The following THSD7B variants were observed in gnomAD, a reference collection of about 807,000 sequenced individuals.
THSD7B encodes thrombospondin type 1 domain containing 7B, also known as thrombospondin type-1 domain-containing protein 7B.
THSD7B carries 138 observed loss-of-function variants against 213.6 expected under a neutral mutation model. The observed-to-expected ratio is 0.65, with a 90% CI of 0.56 to 0.74. The LOEUF (loss-of-function observed/expected upper bound fraction) is 0.74, where lower values mean the gene tolerates loss of function less well. THSD7B is among the 30% of genes least tolerant of loss of function. The pLI is 0.00. For synonymous variants in THSD7B, 742 were observed against 687.0 expected (o/e 1.08, Z -1.25); for missense variants, 1,931 against 1,991.5 (o/e 0.97, Z 0.58).
chr2:137,525,816 G>T (rs138023119), intron 15 of THSD7B, among the ~76,000 whole-genome samples: 1 of 152,208 alleles, frequency 6.6e-6, no homozygotes, highest in East Asian at 1.9e-4. Flanking sequence ...ATAGGTAAGT[G>T]GCTATGTAAC....
At chr2:137,351,943 C>A (rs1685021607) in intron 12 of THSD7B, among the ~76,000 whole-genome samples, 1 of 151,906 alleles carries the variant, frequency 6.6e-6, no homozygotes, top group Non-Finnish European at 1.5e-5. Flanking sequence ...TTTCTTGAAA[C>A]ATCTTGAGTT....
Position 137,414,987 on chromosome 2 carries a change from C to T in THSD7B, c.2959+3115C>T, listed in dbSNP as rs116409358. On this transcript the variant is annotated intron_variant, in intron 14 of 27. Transcript: ENST00000409968. ...GGGAGAATCACTTGAACTTCGTAGG[C>T]GGAAATTGCAGTGAGCCAACATCGT... Among the ~76,000 whole-genome samples the T allele has an allele frequency of 2.4e-3, 341 of 144,938 alleles. 1 individual carries two copies. Among genetic ancestry groups the T allele is most frequent in the African/African-American group, 7.8e-3 (308 of 39,714 alleles).
chr2:137,590,378 A>G (rs980535435), intron 17 of THSD7B, among the ~76,000 whole-genome samples: 1 of 152,166 alleles, frequency 6.6e-6, no homozygotes, highest in Non-Finnish European at 1.5e-5. Flanking sequence ...TGTGCAGGAC[A>G]GGCATCATGG....
At chr2:136,839,345 C>T (rs1434902038) in intron 1 of THSD7B, among the ~76,000 whole-genome samples, 1 of 152,170 alleles carries the variant, frequency 6.6e-6, no homozygotes, top group Non-Finnish European at 1.5e-5. Flanking sequence ...ACTGTTTTTC[C>T]TGTCTGGTAG....
At chr2:137,009,928 C>A (rs1174124664) in intron 2 of THSD7B, among the ~76,000 whole-genome samples, 1 of 152,216 alleles carries the variant, frequency 6.6e-6, no homozygotes, top group East Asian at 1.9e-4. Context: ...TTAAGATATA[C>A]ATGCAGCTAT....
chr2:136,788,557 T>A lies in THSD7B; in HGVS notation c.-36+22870T>A, dbSNP rs758350696. Among the ~76,000 whole-genome samples, 180 of 152,164 alleles carry A rather than the reference T, an allele frequency of 1.2e-3. 3 individuals are homozygous for A. Among genetic ancestry groups the A allele is most frequent in the Admixed American group, 3.3e-4 (5 of 15,270 alleles). On this transcript the variant is annotated intron_variant, in intron 1 of 27. Transcript: ENST00000409968. ...AATATTCTTTTATATTTGATTTTTT[T>A]TCCTTTGGAGAATACATGCTTAGAA...
chr2:137,384,057 A>G (rs143433558), intron 12 of THSD7B, among the ~76,000 whole-genome samples: 13 of 152,328 alleles, frequency 8.5e-5, no homozygotes, highest in African/African-American at 2.9e-4. Flanking sequence ...TGAGATTTCC[A>G]GCAGAGCATC....
intron 17 of THSD7B, among the ~76,000 whole-genome samples, chr2:137,584,717 G>A (rs371226077): frequency 2.6e-5 from 4 of 152,280 alleles, no homozygotes; most frequent in East Asian, 3.9e-4. Context: ...GGTTTTTGAT[G>A]TGCTGCTGGA....
rs529304048 is a variant in THSD7B at position 137,260,759 on chromosome 2, T to C, written c.2267-11774T>C. On this transcript the variant is annotated intron_variant, in intron 10 of 27. Coordinates refer to ENST00000409968, the MANE Select transcript of THSD7B (RefSeq NM_001316349.2). Reference sequence around the variant, plus strand: ...CAGCCTAGGTGACAGAGTGAGACGCTGTCTCAAAAAATAAATAAATAAACA... The same window carrying C: ...CAGCCTAGGTGACAGAGTGAGACGCCGTCTCAAAAAATAAATAAATAAACA... 3.3e-5 allele frequency among the ~76,000 whole-genome samples: 5 copies of C among 152,270 alleles called. No individual in the cohort carries two copies. The East Asian group carries it at 9.7e-4, about 29-fold the overall frequency.
At position 136,963,232 on chromosome 2, in the gene THSD7B, T is replaced by C. The variant is rs535768413; in HGVS notation, c.139+80915T>C. Among the ~76,000 whole-genome samples, 2 of 152,298 alleles carry C rather than the reference T, an allele frequency of 1.3e-5. 1 individual carries two copies. Among genetic ancestry groups the C allele is most frequent in the South Asian group, 4.1e-4 (2 of 4,826 alleles). ...TCCCACCCCCAGTCCTTCCATCTTATTTTTCAGTTGAGAGTAAATTAGTAT... is the reference window on the plus strand; with the variant it reads ...TCCCACCCCCAGTCCTTCCATCTTACTTTTCAGTTGAGAGTAAATTAGTAT... On this transcript the variant is annotated intron_variant, in intron 2 of 27. Transcript: ENST00000409968.
At chr2:137,520,048 A>G (rs1278225581) in intron 15 of THSD7B, among the ~76,000 whole-genome samples, 1 of 152,224 alleles carries the variant, frequency 6.6e-6, no homozygotes, top group East Asian at 1.9e-4. Context: ...GAGAGATGCT[A>G]AAAGGTAAAG....
At chr2:137,562,630 GTA>G (rs1681145393) in intron 15 of THSD7B, among the ~76,000 whole-genome samples, 1 of 148,380 alleles carries the variant, frequency 6.7e-6, no homozygotes, top group African/African-American at 2.5e-5. Context: ...GTGTGTGTGT[GTA>G]TCTGTTTTAG....
chr2:137,002,628 C>T (rs1252184702), intron 2 of THSD7B, among the ~76,000 whole-genome samples: 1 of 152,162 alleles, frequency 6.6e-6, no homozygotes, highest in African/African-American at 2.4e-5. Context: ...TAACATCTAA[C>T]ACAAATTGGA....
In THSD7B at chr2:136,954,714, C is replaced by CAAA. The variant is rs11378111; in HGVS notation, c.139+72415_139+72417dup. ...CCTGGGTGACAGTGAGACTCTGTCT[C>CAAA]AAAAAAAAAAAAAAAAAAAAGAAAT... On this transcript the variant is annotated intron_variant, in intron 2 of 27. Transcript: ENST00000409968. 1.6e-3 allele frequency among the ~76,000 whole-genome samples: 142 copies of CAAA among 89,072 alleles called. 3 individuals are homozygous for CAAA. The highest frequency in any genetic ancestry group is 5.3e-3 in the African/African-American group (94 of 17,834). 58.4% of individuals were successfully genotyped at this position (89,072 alleles called of 152,430 possible).
chr2:137,204,150 G>A (rs1368243854), intron 7 of THSD7B, among the ~76,000 whole-genome samples: 2 of 152,036 alleles, frequency 1.3e-5, no homozygotes, highest in Non-Finnish European at 2.9e-5. Context: ...TCTGTTACAT[G>A]GCACCTGGAG....
intron 2 of THSD7B, among the ~76,000 whole-genome samples, chr2:137,034,403 C>G (rs1686733656): frequency 6.6e-6 from 1 of 152,038 alleles, no homozygotes. Flanking sequence ...CACACCCAGC[C>G]AAATTTTCTT....
chr2:137,373,716 G>A (rs1428323699), intron 12 of THSD7B, among the ~76,000 whole-genome samples: 1 of 152,126 alleles, frequency 6.6e-6, no homozygotes, highest in Non-Finnish European at 1.5e-5. Flanking sequence ...GATTCGATTT[G>A]TCAATTTTGG....
At chr2:136,913,185 C>T (rs35414386) in intron 2 of THSD7B, among the ~76,000 whole-genome samples, 22,546 of 152,194 alleles carry the variant, frequency 0.15, 2,358 homozygotes, top group Non-Finnish European at 0.23. Flanking sequence ...AAGAGACTAT[C>T]GGCATTTTGC....
chr2:137,409,779 GAT>G (rs1686606869), intron 13 of THSD7B, among the ~76,000 whole-genome samples: 4 of 152,136 alleles, frequency 2.6e-5, no homozygotes, highest in Admixed American at 2.6e-4. Context: ...GGAACAAAAA[GAT>G]ATGTTACGAT....
Sources: gnomAD v4.1 joint callset for allele counts (sites outside exome capture counted in the v4.1 genomes callset) on GRCh38, gnomAD v4.1.1 for gene constraint, MANE v1.5 for transcripts, NCBI Gene and HGNC (gene_info 2026-07-23, HGNC 2026-07-21) for gene names.